Variants in KPNA6 observed in about 807,000 individuals in gnomAD.
KPNA6 encodes karyopherin subunit alpha 6, also known as importin subunit alpha-7.
Under a neutral mutation model 72.0 loss-of-function variants are expected in KPNA6, and 9 were observed. That is an observed-to-expected ratio of 0.13 (90% CI 0.08 to 0.22). The LOEUF (loss-of-function observed/expected upper bound fraction) is 0.22. KPNA6 is among the 10% of genes least tolerant of loss of function. The pLI, the probability that KPNA6 is intolerant of heterozygous loss-of-function variation, is 1.00. For synonymous variants in KPNA6, 219 were observed against 242.1 expected, an observed-to-expected ratio of 0.90 and a Z score of 0.89; for missense variants, 374 against 655.7, an observed-to-expected ratio of 0.57 and a Z score of 4.69.
chr1:32,142,585 A>G (rs1462813290), intron 1 of KPNA6, among the ~76,000 whole-genome samples: 1 of 152,202 alleles, frequency 6.6e-6, no homozygotes, highest in Non-Finnish European at 1.5e-5. Flanking sequence ...TTAAAAGCTT[A>G]GAAAGTGCAT....
At chr1:32,147,728 C>T (rs1247626068) in intron 1 of KPNA6, among the ~76,000 whole-genome samples, 2 of 145,116 alleles carry the variant, frequency 1.4e-5, no homozygotes, top group South Asian at 2.2e-4. Context: ...GGTACAACCA[C>T]GGCTCACTGC....
chr1:32,141,876 GT>G (rs1287520871), intron 1 of KPNA6, among the ~76,000 whole-genome samples: 6 of 152,094 alleles, frequency 3.9e-5, no homozygotes, highest in Admixed American at 3.3e-4. Context: ...GCCTATATTA[GT>G]TTGCGAGGGC....
intron 1 of KPNA6, among the ~76,000 whole-genome samples, chr1:32,109,109 C>G (rs566532406): frequency 6.6e-6 from 1 of 152,198 alleles, no homozygotes; most frequent in Non-Finnish European, 1.5e-5. Context: ...GGTAAAGTAA[C>G]TTACCCAAGG....
intron 1 of KPNA6, among the ~76,000 whole-genome samples, chr1:32,113,873 A>T (rs1289963848): frequency 6.6e-6 from 1 of 152,194 alleles, no homozygotes; most frequent in African/African-American, 2.4e-5. Context: ...CAATTCAATC[A>T]TATTTTCAGT....
chr1:32,163,059 G>A (rs899022251), intron 9 of KPNA6, among the ~76,000 whole-genome samples, 176 bp from the exon 10 acceptor site: 3 of 151,428 alleles, frequency 2.0e-5, no homozygotes, highest in Non-Finnish European at 2.9e-5. Context: ...AGCCGAGATC[G>A]CGCCACTGCA....
At chr1:32,155,110 CAAAA>C (rs144040035) in intron 2 of KPNA6, among the ~76,000 whole-genome samples, 1 of 54,234 alleles carries the variant, frequency 1.8e-5, no homozygotes, top group Non-Finnish European at 3.3e-5. Flanking sequence ...AACTCCATCT[CAAAA>C]AAAAAAAAAA....
chr1:32,138,543 C>CAAA (rs563911504), intron 1 of KPNA6, among the ~76,000 whole-genome samples: 5 of 48,884 alleles, frequency 1.0e-4, no homozygotes, highest in Admixed American at 2.3e-4. Flanking sequence ...AACTCCATCT[C>CAAA]AAAAAAAAAA....
chr1:32,128,629 A>T (rs1641584131), intron 1 of KPNA6, among the ~76,000 whole-genome samples: 1 of 151,790 alleles, frequency 6.6e-6, no homozygotes, highest in Admixed American at 6.6e-5. Flanking sequence ...GAGCAGCCTT[A>T]TTATGGTCCC....
chr1:32,127,972 C>T (rs1170530156), intron 1 of KPNA6, among the ~76,000 whole-genome samples: 1 of 152,132 alleles, frequency 6.6e-6, no homozygotes, highest in Non-Finnish European at 1.5e-5. Flanking sequence ...ATCTGCAACA[C>T]ACACACATAC....
intron 1 of KPNA6, among the ~76,000 whole-genome samples, chr1:32,139,828 A>AT (rs1641806965): frequency 6.6e-6 from 1 of 152,222 alleles, no homozygotes; most frequent in African/African-American, 2.4e-5. Context: ...AGAAGCATAG[A>AT]TATGAATGGC....
chr1:32,141,178 G>A (rs2124013056), intron 1 of KPNA6, among the ~76,000 whole-genome samples: 1 of 152,066 alleles, frequency 6.6e-6, no homozygotes. Flanking sequence ...GAGTTCCTAT[G>A]AAAATCTGGT....
At position 32,154,733 on chromosome 1, in the gene KPNA6, G is replaced by A. The variant is rs1176808578; in HGVS notation, c.138+12G>A. ...AGCGAGAGCAACAAGTGAGTTAATG[G>A]GAGTATTCTCAAACATACTATTCTG... On this transcript the variant is annotated intron_variant, in intron 2 of 13. Coordinates refer to ENST00000373625, the MANE Select transcript of KPNA6 (RefSeq NM_012316.5). 4 of 1,613,370 alleles carry A rather than the reference G, an allele frequency of 2.5e-6. No individual in the cohort carries two copies. Among genetic ancestry groups the A allele is most frequent in the Non-Finnish European group, 3.4e-6 (4 of 1,179,764 alleles).
intron 1 of KPNA6, among the ~76,000 whole-genome samples, chr1:32,131,969 A>T (rs911583743): frequency 6.6e-6 from 1 of 150,536 alleles, no homozygotes; most frequent in Non-Finnish European, 1.5e-5. Flanking sequence ...TTATTTATTT[A>T]TTTATTTTTT....
chr1:32,148,277 T>A (rs1641966726), intron 1 of KPNA6, among the ~76,000 whole-genome samples: 1 of 151,878 alleles, frequency 6.6e-6, no homozygotes, highest in African/African-American at 2.4e-5. Flanking sequence ...GCTAATTGGT[T>A]TTTTAGTAGG....
intron 10 of KPNA6, among the ~76,000 whole-genome samples, chr1:32,163,637 T>G (rs1437187079): frequency 6.6e-6 from 1 of 152,218 alleles, no homozygotes; most frequent in Non-Finnish European, 1.5e-5. Flanking sequence ...TTTGAGATAC[T>G]GAAAGCTATG....
intron 1 of KPNA6, among the ~76,000 whole-genome samples, chr1:32,124,624 A>AACC (rs753577885): frequency 1.3e-5 from 2 of 150,982 alleles, no homozygotes; most frequent in Non-Finnish European, 2.9e-5. Flanking sequence ...CTCCTGCCTC[A>AACC]ACCTCCTGAG....
chr1:32,163,253 G>A lies in KPNA6; in HGVS notation c.930G>A (p.Val310=). 6.2e-7 allele frequency: 1 copy of A among 1,613,158 alleles called. No homozygotes were observed. Among genetic ancestry groups the A allele is most frequent in the South Asian group, 1.1e-5 (1 of 90,896 alleles). ...VELLMHNDYK[V]ASPALRAVGN... Reference sequence around the variant, plus strand: ...TCTGTAGGCACAATGATTACAAAGTGGCTTCTCCTGCCCTGAGAGCCGTGG... The same window carrying A: ...TCTGTAGGCACAATGATTACAAAGTAGCTTCTCCTGCCCTGAGAGCCGTGG... Residue 310 remains valine, a synonymous_variant, in exon 10 of 14, where the codon GTG becomes GTA. Transcript: ENST00000373625.
chr1:32,136,804 T>C (rs1641742956), intron 1 of KPNA6, among the ~76,000 whole-genome samples: 1 of 152,186 alleles, frequency 6.6e-6, no homozygotes, highest in East Asian at 1.9e-4. Context: ...CCCAATTCAT[T>C]ACATTTGGAG....
intron 13 of KPNA6, 79 bp downstream of exon 13, chr1:32,170,139 G>T: frequency 7.5e-7 from 1 of 1,336,378 alleles, no homozygotes; most frequent in South Asian, 1.4e-5. Flanking sequence ...TGGTGGTGGC[G>T]GAGTGTGGGT....
Sources: gnomAD v4.1 joint callset for allele counts (sites outside exome capture counted in the v4.1 genomes callset) on GRCh38, gnomAD v4.1.1 for gene constraint, MANE v1.5 for transcripts, NCBI Gene and HGNC (gene_info 2026-07-23, HGNC 2026-07-21) for gene names.